Variants in BFSP1 observed in about 807,000 individuals in gnomAD.
BFSP1 encodes beaded filament structural protein 1.
In BFSP1, 38 loss-of-function variants were observed where a neutral mutation model predicts 43.9. The observed-to-expected ratio is 0.87, with a 90% CI of 0.67 to 1.14. BFSP1 has a LOEUF of 1.14. Among genes scored for constraint, BFSP1 ranks in the 50% most tolerant of loss-of-function variants. The probability of loss-of-function intolerance (pLI) is 0.00; values close to 1 mark genes in which losing one functional copy is unlikely to be tolerated. For missense variants in BFSP1, 850 were observed against 875.1 expected (o/e 0.97, Z 0.36); for synonymous variants, 352 against 354.8 (o/e 0.99, Z 0.09).
At chr20:17,526,089 C>G (rs2034412945) in intron 1 of BFSP1, among the ~76,000 whole-genome samples, 1 of 119,026 alleles carries the variant, frequency 8.4e-6, no homozygotes, top group Non-Finnish European at 1.6e-5. Flanking sequence ...TTGGATAAGC[C>G]AATGACATTT....
chr20:17,497,957 A>G (rs2033695382), intron 6 of BFSP1, among the ~76,000 whole-genome samples: 1 of 152,182 alleles, frequency 6.6e-6, no homozygotes, highest in Admixed American at 6.5e-5. Flanking sequence ...ATGTGTGCAT[A>G]GTGTTCACTG....
chr20:17,496,972 A>C lies in BFSP1; in HGVS notation c.1008T>G (p.His336Gln). 1.9e-6 allele frequency: 3 copies of C among 1,544,550 alleles called. No individual in the cohort carries two copies. The highest frequency in any genetic ancestry group is 2.6e-6 in the Non-Finnish European group (3 of 1,145,184). Residue 336 changes from histidine to glutamine, a missense_variant, in exon 7 of 8, where the codon CAT (histidine) becomes CAG (glutamine). By Grantham distance (24) the His-to-Gln change is conservative. Coordinates refer to ENST00000377873, the MANE Select transcript of BFSP1 (RefSeq NM_001195.5). The stretch of plus-strand genomic sequence containing the variant: ...CGGATCCAGTGCTGAGAGAGACTCC[A>C]TGGCTCTGGGTGAACAGGGGAATGG... Reference protein sequence around the residue: ...ETPIPLFTQSHGVSLSTGSGG... With the variant: ...ETPIPLFTQSQGVSLSTGSGG...
chr20:17,502,532 G>A (rs1459895894), intron 5 of BFSP1, among the ~76,000 whole-genome samples: 1 of 152,202 alleles, frequency 6.6e-6, no homozygotes, highest in Non-Finnish European at 1.5e-5. Context: ...CACGCGTGGA[G>A]CAACTGGTGA....
At chr20:17,563,794 G>C (rs1262966191), upstream of BFSP1, among the ~76,000 whole-genome samples, 1 of 151,244 alleles carries the variant, frequency 6.6e-6, no homozygotes, top group East Asian at 2.0e-4. Flanking sequence ...GCTGAGGTGG[G>C]AAGATTGCTT....
upstream of BFSP1, among the ~76,000 whole-genome samples, chr20:17,533,041 T>A (rs1479651217): frequency 6.6e-6 from 1 of 152,180 alleles, no homozygotes; most frequent in Non-Finnish European, 1.5e-5. Context: ...TATTGTTCTA[T>A]TTTCTTAAAC....
At chr20:17,496,888 GT>G in intron 7 of BFSP1, 49 bp downstream of exon 7, 4 of 1,430,438 alleles carry the variant, frequency 2.8e-6, no homozygotes, top group Admixed American at 5.3e-5. Flanking sequence ...GAGCCGCTTG[GT>G]TTTTTTCAAG....
chr20:17,499,403 C>CTTTTTT (rs34583097), intron 5 of BFSP1, among the ~76,000 whole-genome samples: 5 of 82,062 alleles, frequency 6.1e-5, no homozygotes, highest in Non-Finnish European at 9.7e-5. Context: ...ACATGCTGGG[C>CTTTTTT]TTTTTTTTTT....
At chr20:17,562,020 A>G (rs1290273945), upstream of BFSP1, among the ~76,000 whole-genome samples, 1 of 151,976 alleles carries the variant, frequency 6.6e-6, no homozygotes, top group African/African-American at 2.4e-5. Context: ...TCCTGGGTTC[A>G]TGCGATTATC....
At chr20:17,499,586 TA>T (rs1285951989) in intron 5 of BFSP1, among the ~76,000 whole-genome samples, 1 of 151,846 alleles carries the variant, frequency 6.6e-6, no homozygotes, top group Non-Finnish European at 1.5e-5. Flanking sequence ...AATTAGTCCA[TA>T]AGGAGGCCCA....
intron 3 of BFSP1, among the ~76,000 whole-genome samples, chr20:17,512,544 C>G (rs2034111617): frequency 6.6e-6 from 1 of 152,076 alleles, no homozygotes; most frequent in African/African-American, 2.4e-5. Flanking sequence ...TAGTAAGATC[C>G]CATTTCTACA....
At chr20:17,542,755 T>TTTTA (rs2034739864) in intron 1 of BFSP1, among the ~76,000 whole-genome samples, 1 of 152,228 alleles carries the variant, frequency 6.6e-6, no homozygotes, top group Non-Finnish European at 1.5e-5. Context: ...CATGGAACCC[T>TTTTA]AAATTTAAAT....
intron 1 of BFSP1, among the ~76,000 whole-genome samples, chr20:17,557,635 C>T (rs950010091): frequency 6.6e-6 from 1 of 152,218 alleles, no homozygotes; most frequent in Non-Finnish European, 1.5e-5. Flanking sequence ...CTGGGACCTT[C>T]ATGCGCCTAA....
intron 1 of BFSP1, among the ~76,000 whole-genome samples, chr20:17,552,690 C>A (rs56375599): frequency 1.5e-3 from 233 of 151,852 alleles, no homozygotes; most frequent in African/African-American, 5.5e-3. Context: ...GAGGGTAGAA[C>A]CAACAGAATG....
chr20:17,539,105 CTTTTTTT>C (rs1156875265), intron 1 of BFSP1, among the ~76,000 whole-genome samples: 11 of 63,554 alleles, frequency 1.7e-4, no homozygotes, highest in East Asian at 5.1e-4. Context: ...ATTTCTTCTT[CTTTTTTT>C]TTTTTTTTTT....
At chr20:17,535,915 G>T (rs898433841), upstream of BFSP1, among the ~76,000 whole-genome samples, 3 of 152,032 alleles carry the variant, frequency 2.0e-5, no homozygotes, top group Non-Finnish European at 4.4e-5. Flanking sequence ...TATAACCATT[G>T]AACAATTTTA....
chr20:17,537,129 A>C (rs906097520), intron 1 of BFSP1, among the ~76,000 whole-genome samples: 2 of 152,180 alleles, frequency 1.3e-5, no homozygotes, highest in Non-Finnish European at 2.9e-5. Context: ...CAAGAGGGCC[A>C]CCCTATACTA....
At chr20:17,505,521 C>T (rs1045231975) in intron 5 of BFSP1, among the ~76,000 whole-genome samples, 1 of 152,282 alleles carries the variant, frequency 6.6e-6, no homozygotes, top group African/African-American at 2.4e-5. Flanking sequence ...TCTCTCGGCC[C>T]GCCCTCCACC....
In BFSP1 at chr20:17,530,961, G is replaced by A; in HGVS notation, c.369C>T (p.Phe123=). 7.0e-7 allele frequency: 1 copy of A among 1,436,236 alleles called. No homozygotes were observed. Among genetic ancestry groups the A allele is most frequent in the African/African-American group, 1.5e-5 (1 of 67,530 alleles). 89.0% of individuals were successfully genotyped at this position (1,436,236 alleles called of 1,614,324 possible). The change falls in exon 1 of 8, where the codon TTC becomes TTT. Residue 123 remains phenylalanine (F), a synonymous_variant. Transcript: ENST00000377873. Reference sequence around the variant, plus strand: ...CGATGGCCGCCGCTTACTTGCTTCGGAACTCGTCGAGCGCGCGCTGCGCCT... The same window carrying A: ...CGATGGCCGCCGCTTACTTGCTTCGAAACTCGTCGAGCGCGCGCTGCGCCT... ...GTEAQRALDE[F]RSKYENECEC...
intron 2 of BFSP1, among the ~76,000 whole-genome samples, chr20:17,520,382 A>C (rs1379378597): frequency 6.6e-6 from 1 of 152,200 alleles, no homozygotes; most frequent in Non-Finnish European, 1.5e-5. Context: ...GGTGGGGATT[A>C]AAAAGGAAAA....
Sources: gnomAD v4.1 joint callset for allele counts (sites outside exome capture counted in the v4.1 genomes callset) on GRCh38, gnomAD v4.1.1 for gene constraint, MANE v1.5 for transcripts, NCBI Gene and HGNC (gene_info 2026-07-23, HGNC 2026-07-21) for gene names.